CERK: variants seen among roughly 807,000 people sequenced by gnomAD.
The protein encoded by CERK is ceramide kinase, also known as acylsphingosine kinase.
Under a neutral mutation model 63.4 loss-of-function variants are expected in CERK, and 39 were observed. The ratio of observed to expected loss-of-function variants is 0.61; its 90% CI spans 0.48 to 0.80. The LOEUF is 0.80. Ranked by LOEUF, CERK falls within the 30% of genes least tolerant of loss-of-function variation. The probability of loss-of-function intolerance (pLI) is 0.00; values close to 1 mark genes in which losing one functional copy is unlikely to be tolerated. For synonymous variants in CERK, 302 were observed against 280.0 expected (o/e 1.08, Z -0.78); for missense variants, 670 against 714.1 (o/e 0.94, Z 0.70).
At chr22:46,720,548 T>A (rs1239375817) in intron 2 of CERK, among the ~76,000 whole-genome samples, 1 of 151,918 alleles carries the variant, frequency 6.6e-6, no homozygotes, top group African/African-American at 2.4e-5. Flanking sequence ...TACAAAAAAG[T>A]AGCCGGGTGT....
At chr22:46,691,405 A>C (rs1311966566) in intron 11 of CERK, among the ~76,000 whole-genome samples, 167 bp downstream of exon 11, 5 of 152,168 alleles carry the variant, frequency 3.3e-5, no homozygotes, top group Non-Finnish European at 1.5e-5. Flanking sequence ...GATATTTTAC[A>C]AGGAGTAGTT....
intron 6 of CERK, among the ~76,000 whole-genome samples, chr22:46,702,850 A>G (rs551906489): frequency 6.6e-6 from 1 of 152,350 alleles, no homozygotes; most frequent in East Asian, 1.9e-4. Flanking sequence ...TGCATCCACA[A>G]TGACCACCCA....
chr22:46,707,068 C>T lies in CERK; in HGVS notation c.715+775G>A, dbSNP rs543773887. On this transcript the variant is annotated intron_variant, in intron 6 of 12. Transcript: ENST00000216264. ...TAAACCTCCAACTCTCGCTCCCATC[C>T]GGTGACCTGTGACCTCACCCCCAGT... Among the ~76,000 whole-genome samples, 8 of 152,200 alleles carry T rather than the reference C, an allele frequency of 5.3e-5. No individual in the cohort carries two copies. In the South Asian group the frequency reaches 8.3e-4, roughly 16 times the overall value.
chr22:46,709,587 C>T (rs1031274804), intron 5 of CERK, among the ~76,000 whole-genome samples: 1 of 152,142 alleles, frequency 6.6e-6, no homozygotes, highest in Non-Finnish European at 1.5e-5. Flanking sequence ...AGTGCTGGGA[C>T]CTGGAGGACC....
chr22:46,711,353 G>T (rs181400779), intron 4 of CERK, among the ~76,000 whole-genome samples: 1 of 152,286 alleles, frequency 6.6e-6, no homozygotes, highest in African/African-American at 2.4e-5. Context: ...CCTCTCTCGG[G>T]CCACAGTCTG....
intron 1 of CERK, among the ~76,000 whole-genome samples, chr22:46,732,731 C>T (rs2082951453): frequency 6.6e-6 from 1 of 152,100 alleles, no homozygotes; most frequent in Non-Finnish European, 1.5e-5. Context: ...TTCGCCCTTC[C>T]CCATCCCTTG....
chr22:46,691,563 C>T lies in CERK; in HGVS notation c.1332+9G>A, dbSNP rs200455044. On this transcript the variant is annotated intron_variant, in intron 11 of 12. Coordinates refer to ENST00000216264, the MANE Select transcript of CERK (RefSeq NM_022766.6). ...CAGTGGAGGCTCCATGCAAGAGCAC[C>T]CCACTTACCTGGTCCTGCTGGTTGG... 8.0e-4 allele frequency: 1,286 copies of T among 1,610,806 alleles called. 4 individuals are homozygous for T. The highest frequency in any genetic ancestry group is 4.0e-4 in the Non-Finnish European group (471 of 1,177,796).
At position 46,737,996 on chromosome 22, in the gene CERK, G is replaced by A. The variant is rs183767779; in HGVS notation, c.142+11C>T. ...CAGGTCCGGCCGAACCCGGGCGGCGGCGACACTCACCCGCGCCGGGGGCGC... is the reference window on the plus strand; with the variant it reads ...CAGGTCCGGCCGAACCCGGGCGGCGACGACACTCACCCGCGCCGGGGGCGC... On this transcript the variant is annotated intron_variant, in intron 1 of 12. Coordinates refer to ENST00000216264, the MANE Select transcript of CERK (RefSeq NM_022766.6). 3.3e-3 allele frequency: 3,923 copies of A among 1,172,988 alleles called. 86 individuals are homozygous for A. The African/African-American group carries it at 0.056, about 17-fold the overall frequency. 72.7% of individuals were successfully genotyped at this position (1,172,988 alleles called of 1,614,324 possible).
chr22:46,707,875 G>A lies in CERK; in HGVS notation c.683C>T (p.Pro228Leu), dbSNP rs2082821023. 1.9e-6 allele frequency: 3 copies of A among 1,613,328 alleles called. No homozygotes were observed. The highest frequency in any genetic ancestry group is 1.7e-6 in the Non-Finnish European group (2 of 1,179,512). Residue 228 changes from proline (P) to leucine (L), a missense_variant, in exon 6 of 13, where the codon CCC becomes CTC. Physicochemically the swap from Pro to Leu is moderately conservative, Grantham distance 98 (BLOSUM62 -3). Transcript: ENST00000216264. ...DQNHPRAVLV[P>L]SSLRIGIIPA... ...AATGATTCCAATCCGGAGGCTACTG[G>A]GGACCAGCACAGCCCGGGGGTGGTT...
chr22:46,690,322 G>A lies in CERK; in HGVS notation c.1333-122C>T, dbSNP rs117445284. 873 of 683,636 alleles carry A rather than the reference G, an allele frequency of 1.3e-3. 2 individuals carry two copies. Among genetic ancestry groups the A allele is most frequent in the Admixed American group, 3.5e-3 (117 of 33,738 alleles). The allele number at this position is 683,636 out of a possible 1,614,324, so 42.3% of individuals were successfully genotyped here. On this transcript the variant is annotated intron_variant, in intron 11 of 12. Transcript: ENST00000216264. ...CCTGGGTGCACACACGGCCCTTCTC[G>A]GAGGATGCGACTGCTTGTGCAGGCC... is the stretch of plus-strand genomic sequence containing the variant.
chr22:46,710,988 G>T, intron 5 of CERK, 98 bp downstream of exon 5: 1 of 917,654 alleles, frequency 1.1e-6, no homozygotes, highest in Non-Finnish European at 1.8e-6. Context: ...GGTGGAGGCG[G>T]GGGGCGGATT....
rs1411840903 is a variant in CERK, at chr22:46,712,167, C to G, written c.505+1G>C. 2 of 1,613,776 alleles carry G rather than the reference C, an allele frequency of 1.2e-6. No homozygotes were observed. The highest frequency in any genetic ancestry group is 1.7e-6 in the Non-Finnish European group (2 of 1,179,906). ...TACATAGTTAACATAGAATTTGTTA[C>G]CGATGATGTCAGTGGTGATGGAGGC... On this transcript the variant is annotated splice_donor_variant, in intron 4 of 12. Coordinates refer to ENST00000216264, the MANE Select transcript of CERK (RefSeq NM_022766.6). LOFTEE classifies it high-confidence loss of function.
At chr22:46,691,067 A>ACACACC (rs2082729140) in intron 11 of CERK, among the ~76,000 whole-genome samples, 1 of 150,758 alleles carries the variant, frequency 6.6e-6, no homozygotes. Context: ...ACACACACAC[A>ACACACC]CACACACACA....
At chr22:46,706,970 C>T (rs938232212) in intron 6 of CERK, among the ~76,000 whole-genome samples, 4 of 152,192 alleles carry the variant, frequency 2.6e-5, no homozygotes, top group African/African-American at 4.8e-5. Context: ...GAGCGGCACC[C>T]ACAGAGAAGG....
intron 8 of CERK, among the ~76,000 whole-genome samples, chr22:46,696,495 G>A (rs935069613): frequency 5.3e-5 from 8 of 152,132 alleles, no homozygotes; most frequent in Non-Finnish European, 1.0e-4. Context: ...TCACCCAGAC[G>A]CAGCCTCCAG....
intron 1 of CERK, among the ~76,000 whole-genome samples, chr22:46,734,777 T>C (rs919674435): frequency 1.3e-5 from 2 of 152,246 alleles, no homozygotes; most frequent in Non-Finnish European, 2.9e-5. Context: ...TACCAAATAT[T>C]AATCACGTCT....
intron 9 of CERK, chr22:46,693,786 A>C (rs2082743033): frequency 2.5e-6 from 1 of 399,214 alleles, no homozygotes; most frequent in Non-Finnish European, 4.7e-6. Flanking sequence ...CTGGCCCTCC[A>C]GCTAACATAG....
rs567881194 is a variant in CERK at position 46,721,975 on chromosome 22, C to T, written c.143-960G>A. Among the ~76,000 whole-genome samples, 4 of 152,228 alleles carry T rather than the reference C, an allele frequency of 2.6e-5. No homozygotes were observed. In the South Asian group the frequency reaches 6.2e-4, roughly 24 times the overall value. The stretch of plus-strand genomic sequence containing the variant: ...CTGGCAGCAGAGCTGTGGGAGGTGA[C>T]GGGTAACTGAAGTCCAAGGCCTGAA... On this transcript the variant is annotated intron_variant, in intron 1 of 12. Coordinates refer to ENST00000216264, the MANE Select transcript of CERK (RefSeq NM_022766.6).
chr22:46,705,062 T>TCCAGGCTGTG (rs1456768927), intron 6 of CERK, among the ~76,000 whole-genome samples: 45 of 152,272 alleles, frequency 3.0e-4, no homozygotes, highest in African/African-American at 1.1e-3. Flanking sequence ...CAGACAAACC[T>TCCAGGCTGTG]CCAGGCTGTG....
Sources: gnomAD v4.1 joint callset for allele counts (sites outside exome capture counted in the v4.1 genomes callset) on GRCh38, gnomAD v4.1.1 for gene constraint, MANE v1.5 for transcripts, NCBI Gene and HGNC (gene_info 2026-07-23, HGNC 2026-07-21) for gene names.